MTHFD1L: variants seen among roughly 807,000 people sequenced by gnomAD.
MTHFD1L encodes the protein methylenetetrahydrofolate dehydrogenase (NADP+ dependent) 1 like.
A neutral mutation model predicts 119.5 loss-of-function variants in MTHFD1L; 81 were observed. The observed-to-expected ratio is 0.68, with a 90% CI of 0.57 to 0.82. The LOEUF (loss-of-function observed/expected upper bound fraction) is 0.82. Ranked by LOEUF, MTHFD1L falls within the 40% of genes least tolerant of loss-of-function variation. The pLI, the probability that MTHFD1L is intolerant of heterozygous loss-of-function variation, is 0.00. For synonymous variants in MTHFD1L, 430 were observed against 475.2 expected, an observed-to-expected ratio of 0.90 and a Z score of 1.24; for missense variants, 1,125 against 1,253.4, an observed-to-expected ratio of 0.90 and a Z score of 1.55.
intron 13 of MTHFD1L, among the ~76,000 whole-genome samples, chr6:150,940,940 A>T (rs1792990239): frequency 6.6e-6 from 1 of 152,168 alleles, no homozygotes; most frequent in South Asian, 2.1e-4. Context: ...TGTTCCTTGA[A>T]GTTGAGTGCC....
rs996448606 is a variant in MTHFD1L, at chr6:150,927,087, G to A, written c.1256+792G>A. Among the ~76,000 whole-genome samples the A allele has an allele frequency of 2.4e-4, 37 of 152,042 alleles. 1 individual carries two copies. The highest frequency in any genetic ancestry group is 8.2e-4 in the African/African-American group (34 of 41,420). The stretch of plus-strand genomic sequence containing the variant: ...CAGGCAGAGACATTTCTTGTAATTG[G>A]AATTGACTCCTAGGTAACTTTGTTT... On this transcript the variant is annotated intron_variant, in intron 11 of 27. Transcript: ENST00000367321.
chr6:151,063,044 A>T (rs60919984), intron 26 of MTHFD1L, among the ~76,000 whole-genome samples: 3,382 of 152,186 alleles, frequency 0.022, 120 homozygotes, highest in African/African-American at 0.078. Flanking sequence ...AAAAAAAAAA[A>T]TTAAAGAAAA....
At chr6:151,065,978 A>C (rs911989620) in intron 26 of MTHFD1L, among the ~76,000 whole-genome samples, 6 of 152,032 alleles carry the variant, frequency 3.9e-5, no homozygotes, top group African/African-American at 1.5e-4. Flanking sequence ...TGAAATACAA[A>C]GTTATTGAGA....
At chr6:150,911,479 A>G (rs1310904117) in intron 8 of MTHFD1L, among the ~76,000 whole-genome samples, 1 of 152,196 alleles carries the variant, frequency 6.6e-6, no homozygotes, top group Admixed American at 6.5e-5. Flanking sequence ...TGGGTAATTT[A>G]TAAAGAAAAG....
chr6:151,014,185 C>T (rs1024614293), intron 22 of MTHFD1L, among the ~76,000 whole-genome samples: 9 of 151,980 alleles, frequency 5.9e-5, no homozygotes, highest in South Asian at 4.2e-4. Flanking sequence ...CCAGCCTGGA[C>T]GACAGAGTGA....
At chr6:150,870,941 C>CA (rs1419655588) in intron 1 of MTHFD1L, among the ~76,000 whole-genome samples, 7 of 140,660 alleles carry the variant, frequency 5.0e-5, no homozygotes, top group Non-Finnish European at 7.6e-5. Flanking sequence ...CAAAAAAACC[C>CA]AAAAAACATA....
rs1413091244 is a variant in MTHFD1L at position 150,866,495 on chromosome 6, A to T, written c.227+446A>T. On this transcript the variant is annotated intron_variant, in intron 1 of 27. Transcript: ENST00000367321. ...GGCTGGCCCGGGGTTCGGGAAGGGC[A>T]AGCGGAGCTCGGGAGAGGCGGGCTC... is the stretch of plus-strand genomic sequence containing the variant. 1.1e-5 allele frequency: 14 copies of T among 1,312,112 alleles called. 1 individual carries two copies. In the East Asian group the frequency reaches 3.5e-4, roughly 33 times the overall value. The allele number at this position is 1,312,112 out of a possible 1,614,324, so 81.3% of individuals were successfully genotyped here.
intron 20 of MTHFD1L, among the ~76,000 whole-genome samples, chr6:150,988,607 T>C (rs11155766): frequency 1.1e-4 from 4 of 37,220 alleles, no homozygotes; most frequent in African/African-American, 1.7e-4. Context: ...TCTTTTTTTG[T>C]GGGGGGGGCG....
chr6:150,894,198 C>T (rs754802819), intron 7 of MTHFD1L, among the ~76,000 whole-genome samples: 8 of 152,102 alleles, frequency 5.3e-5, no homozygotes, highest in African/African-American at 9.7e-5. Context: ...ATTGCACCAC[C>T]GCACTGCAAC....
At chr6:151,089,567 C>T (rs780506304) in intron 26 of MTHFD1L, among the ~76,000 whole-genome samples, 1 of 152,350 alleles carries the variant, frequency 6.6e-6, no homozygotes, top group East Asian at 1.9e-4. Flanking sequence ...CGTGCCACTG[C>T]ACTCCAGCCT....
intron 7 of MTHFD1L, among the ~76,000 whole-genome samples, chr6:150,892,237 A>G (rs1239175960): frequency 6.6e-6 from 1 of 152,234 alleles, no homozygotes; most frequent in Non-Finnish European, 1.5e-5. Context: ...TTCCTTGGCA[A>G]TTGAATGTTT....
At chr6:150,944,374 A>G (rs373582644) in intron 13 of MTHFD1L, 112 bp from the exon 14 acceptor site, 25 of 755,464 alleles carry the variant, frequency 3.3e-5, no homozygotes, top group East Asian at 5.5e-5. Flanking sequence ...CTTGAGCCCA[A>G]GAGTTTGAGA....
intron 21 of MTHFD1L, among the ~76,000 whole-genome samples, chr6:151,011,068 C>G (rs765001766): frequency 1.3e-5 from 2 of 152,208 alleles, no homozygotes; most frequent in Non-Finnish European, 2.9e-5. Context: ...ATCTAAATCT[C>G]CTACTATGTC....
At chr6:150,905,036 C>CTTTTTTT (rs36039459) in intron 7 of MTHFD1L, among the ~76,000 whole-genome samples, 5 of 111,690 alleles carry the variant, frequency 4.5e-5, no homozygotes, top group Non-Finnish European at 8.7e-5. Context: ...TTGTTTTCCT[C>CTTTTTTT]TTTTTTTTTT....
Position 150,926,086 on chromosome 6 carries a change from A to G in MTHFD1L, c.1083-36A>G. On this transcript the variant is annotated intron_variant, in intron 10 of 27. Transcript: ENST00000367321. The surrounding 1 kb of genome is among the most constrained non-coding windows in gnomAD (Gnocchi z 4.3). ...CCAGTTGTGACCACCTAAGCTGAGA[A>G]GCCTTTTCTCTCTTTCGTATTGTCT... 6.3e-7 allele frequency: 1 copy of G among 1,582,100 alleles called. No homozygotes were observed. Among genetic ancestry groups the G allele is most frequent in the Non-Finnish European group, 8.6e-7 (1 of 1,159,418 alleles).
chr6:150,993,500 C>A (rs570862271), intron 20 of MTHFD1L, among the ~76,000 whole-genome samples: 1 of 151,956 alleles, frequency 6.6e-6, no homozygotes, highest in Non-Finnish European at 1.5e-5. Flanking sequence ...TTATTAGAGA[C>A]GAGTTTTTGC....
chr6:150,942,561 A>G (rs1356910616), intron 13 of MTHFD1L, among the ~76,000 whole-genome samples: 1 of 152,184 alleles, frequency 6.6e-6, no homozygotes, highest in Non-Finnish European at 1.5e-5. Flanking sequence ...ATACCCTCAC[A>G]TAGTTTATAA....
intron 5 of MTHFD1L, among the ~76,000 whole-genome samples, chr6:150,883,742 G>A (rs1781753736): frequency 6.6e-6 from 1 of 152,192 alleles, no homozygotes; most frequent in Non-Finnish European, 1.5e-5. Context: ...GCCGTCTCCA[G>A]TGGGGGATAA....
At chr6:150,976,175 TA>T (rs1433684758) in intron 20 of MTHFD1L, among the ~76,000 whole-genome samples, 36 of 152,200 alleles carry the variant, frequency 2.4e-4, no homozygotes, top group African/African-American at 7.9e-4. Context: ...CACTCCAGCC[TA>T]GGCAACAGAG....
Sources: allele counts gnomAD v4.1 joint callset (sites outside exome capture counted in the v4.1 genomes callset), GRCh38; gene constraint gnomAD v4.1.1; non-coding constraint Gnocchi (gnomAD v3.1); transcripts MANE v1.5; gene names NCBI Gene and HGNC (gene_info 2026-07-23, HGNC 2026-07-21).